The following ERC2 variants were observed in gnomAD, a reference collection of about 807,000 sequenced individuals.
The protein encoded by ERC2 is ERC protein 2.
A neutral mutation model predicts 114.8 loss-of-function variants in ERC2; 42 were observed. The ratio of observed to expected loss-of-function variants is 0.37; its 90% CI spans 0.29 to 0.47. The LOEUF (loss-of-function observed/expected upper bound fraction) is 0.47, where lower values mean the gene tolerates loss of function less well. ERC2 is among the 20% of genes least tolerant of loss of function. The pLI is 0.99. For missense variants in ERC2, 939 were observed against 1,150.7 expected (o/e 0.82, Z 2.66); for synonymous variants, 454 against 425.5 (o/e 1.07, Z -0.82).
intron 17 of ERC2, among the ~76,000 whole-genome samples, chr3:55,640,093 G>T (rs886169653): frequency 1.3e-5 from 2 of 152,184 alleles, no homozygotes; most frequent in African/African-American, 4.8e-5. Context: ...CACACGTCCT[G>T]TGGCTGCACT....
At chr3:55,799,131 T>A (rs1187117253) in intron 14 of ERC2, among the ~76,000 whole-genome samples, 1 of 151,926 alleles carries the variant, frequency 6.6e-6, no homozygotes, top group East Asian at 1.9e-4. Context: ...GTCACACAGC[T>A]TTTTACTCAC....
intron 17 of ERC2, among the ~76,000 whole-genome samples, chr3:55,671,589 C>T (rs2061561944): frequency 6.6e-6 from 1 of 152,156 alleles, no homozygotes; most frequent in South Asian, 2.1e-4. Flanking sequence ...TATATATGCC[C>T]ATTAAGCTCC....
chr3:55,768,896 G>C (rs1457346545), intron 14 of ERC2, among the ~76,000 whole-genome samples: 1 of 152,150 alleles, frequency 6.6e-6, no homozygotes, highest in Non-Finnish European at 1.5e-5. Flanking sequence ...GAACAGACAT[G>C]ATCAAACTCA....
At chr3:55,852,422 A>T (rs957491257) in intron 14 of ERC2, 1 of 154,834 alleles carries the variant, frequency 6.5e-6, no homozygotes, top group Non-Finnish European at 1.5e-5. Context: ...CAAATGTCAC[A>T]TAGCCACTTA....
intron 2 of ERC2, among the ~76,000 whole-genome samples, chr3:56,305,199 G>A (rs1029845389): frequency 1.8e-4 from 27 of 151,858 alleles, no homozygotes; most frequent in Non-Finnish European, 2.4e-4. Context: ...TTAAAATTAG[G>A]AATTTCTGTT....
At chr3:55,905,263 T>G (rs555714221) in intron 13 of ERC2, among the ~76,000 whole-genome samples, 76 of 152,262 alleles carry the variant, frequency 5.0e-4, no homozygotes, top group Middle Eastern at 3.4e-3. Context: ...GTATTTTTAG[T>G]AGAGATGGGG....
intron 7 of ERC2, among the ~76,000 whole-genome samples, chr3:56,020,601 G>A (rs1011217262): frequency 1.3e-5 from 2 of 152,176 alleles, no homozygotes; most frequent in African/African-American, 4.8e-5. Context: ...CTGGTTATAT[G>A]GAAGAAGCCA....
At chr3:55,963,806 G>C (rs1469558056) in intron 12 of ERC2, among the ~76,000 whole-genome samples, 1 of 152,132 alleles carries the variant, frequency 6.6e-6, no homozygotes, top group Non-Finnish European at 1.5e-5. Context: ...GACCCCCTGG[G>C]GGCTAACGCT....
chr3:56,283,574 A>C (rs576416976), intron 3 of ERC2, among the ~76,000 whole-genome samples: 11 of 152,222 alleles, frequency 7.2e-5, no homozygotes, highest in Non-Finnish European at 1.0e-4. Flanking sequence ...TCCACCCTTT[A>C]CAAATAAATC....
Position 56,434,424 on chromosome 3 carries a change from A to C in ERC2, c.584T>G (p.Val195Gly), listed in dbSNP as rs2061929219. ...FWSPELKKER[V>G]LRKEEAARMS... ...CCGCGCTGCCTCTTCTTTCCTCAAG[A>C]CTCTCTCCTTCTTAAGCTCAGGACT... Residue 195 changes from valine to glycine, a missense_variant, in exon 2 of 18, where the codon GTC becomes GGC. Val to Gly is a moderately radical substitution (Grantham distance 109). Transcript: ENST00000288221. The C allele has an allele frequency of 6.2e-7, 1 of 1,613,486 alleles. No individual in the cohort carries two copies. The highest frequency in any genetic ancestry group is 8.5e-7 in the Non-Finnish European group (1 of 1,179,828).
rs2062305862 is a variant in ERC2, at chr3:56,441,512, G to T, written c.-140-6365C>A. Among the ~76,000 whole-genome samples, 3 of 152,314 alleles carry T rather than the reference G, an allele frequency of 2.0e-5. No individual in the cohort carries two copies. In the South Asian group the frequency reaches 6.2e-4, roughly 32 times the overall value. On this transcript the variant is annotated intron_variant, in intron 1 of 17. Transcript: ENST00000288221. ...AAATATCATAATTAATATTGTGATT[G>T]ATAAAGCTTTATAATATTTTGATTG...
At position 55,691,573 on chromosome 3, in the gene ERC2, AATATATAT is replaced by A. The variant is rs1292437178; in HGVS notation, c.2848-7722_2848-7715del. Among the ~76,000 whole-genome samples, 26 of 39,732 alleles carry A rather than the reference AATATATAT, an allele frequency of 6.5e-4. No homozygotes were observed. In the South Asian group the frequency reaches 6.7e-3, roughly 10 times the overall value. The allele number at this position is 39,732 out of a possible 152,430, so 26.1% of individuals were successfully genotyped here. ...AAAAAAAAAAAAAAAAAAAAAAAAA[AATATATAT>A]ATATATATATATATATATATACTGT... On this transcript the variant is annotated intron_variant, in intron 16 of 17. Coordinates refer to ENST00000288221, the MANE Select transcript of ERC2 (RefSeq NM_015576.3).
chr3:55,983,363 A>G (rs2070316126), intron 12 of ERC2, among the ~76,000 whole-genome samples: 1 of 152,318 alleles, frequency 6.6e-6, no homozygotes, highest in Non-Finnish European at 1.5e-5. Flanking sequence ...AGAAATATAA[A>G]AGTTTCACGT....
chr3:56,007,354 C>T (rs1268004259), intron 9 of ERC2, 33 bp from the exon 10 acceptor site: 6 of 1,568,838 alleles, frequency 3.8e-6, no homozygotes, highest in Non-Finnish European at 5.2e-6. Flanking sequence ...GAGTAAAACA[C>T]TGAAATTTCT....
At chr3:55,534,128 A>C (rs1000849594) in intron 17 of ERC2, among the ~76,000 whole-genome samples, 5 of 152,200 alleles carry the variant, frequency 3.3e-5, no homozygotes, top group African/African-American at 1.2e-4. Context: ...GTACTGAAGA[A>C]CTTAGCACAG....
At chr3:55,698,460 T>A (rs2063049781) in intron 16 of ERC2, among the ~76,000 whole-genome samples, 1 of 151,916 alleles carries the variant, frequency 6.6e-6, no homozygotes, top group Admixed American at 6.6e-5. Flanking sequence ...CACAAGTACC[T>A]CCTCCCCCAG....
At chr3:55,809,132 G>A (rs924720013) in intron 14 of ERC2, among the ~76,000 whole-genome samples, 5 of 152,084 alleles carry the variant, frequency 3.3e-5, no homozygotes, top group Non-Finnish European at 5.9e-5. Context: ...CAGATGTAAA[G>A]ATGCATCATA....
chr3:55,515,503 G>A (rs2052429738), intron 17 of ERC2, among the ~76,000 whole-genome samples: 1 of 151,190 alleles, frequency 6.6e-6, no homozygotes, highest in African/African-American at 2.4e-5. Context: ...AAGTAGCTGG[G>A]ACTACGGGCA....
At chr3:56,014,747 G>A (rs1168907356) in intron 8 of ERC2, among the ~76,000 whole-genome samples, 1 of 152,116 alleles carries the variant, frequency 6.6e-6, no homozygotes, top group African/African-American at 2.4e-5. Flanking sequence ...TATGGTATAT[G>A]TTTACTTCTG....
Sources: gnomAD v4.1 joint callset for allele counts (sites outside exome capture counted in the v4.1 genomes callset) on GRCh38, gnomAD v4.1.1 for gene constraint, MANE v1.5 for transcripts, NCBI Gene and HGNC (gene_info 2026-07-23, HGNC 2026-07-21) for gene names.